Variants in TTC19 observed in about 807,000 individuals in gnomAD.
The protein encoded by TTC19 is tetratricopeptide repeat domain 19.
TTC19 carries 38 observed loss-of-function variants against 49.5 expected under a neutral mutation model. That is an observed-to-expected ratio of 0.77 (90% CI 0.59 to 1.01). The LOEUF (loss-of-function observed/expected upper bound fraction) is 1.01. TTC19 is among the 50% of genes least tolerant of loss of function. TTC19 has a pLI of 0.00. For synonymous variants in TTC19, 204 were observed against 185.2 expected (o/e 1.10, Z -0.83); for missense variants, 475 against 477.7 (o/e 0.99, Z 0.05).
chr17:16,027,989 G>C lies in TTC19; in HGVS notation c.*467G>C, dbSNP rs775424317. ...CAAAGGGGGATTATGGTGAATTGTT[G>C]TTCTTATAGTCTGTTTCATGAAGCA... On this transcript the variant is annotated 3_prime_UTR_variant, in exon 10 of 10. Coordinates refer to ENST00000261647, the MANE Select transcript of TTC19 (RefSeq NM_017775.4). 4 of 454,034 alleles carry C rather than the reference G, an allele frequency of 8.8e-6. No individual in the cohort carries two copies. The highest frequency in any genetic ancestry group is 2.0e-5 in the African/African-American group (1 of 49,976). The allele number at this position is 454,034 out of a possible 1,614,324, so 28.1% of individuals were successfully genotyped here. A position where few individuals can be genotyped will look rare whatever the true frequency, so the allele number is the denominator to read the frequency against.
chr17:16,017,499 C>T (rs921809187), intron 7 of TTC19, among the ~76,000 whole-genome samples: 1 of 150,400 alleles, frequency 6.6e-6, no homozygotes, highest in African/African-American at 2.5e-5. Context: ...GTGGCTCACG[C>T]CTGTAATCCC....
chr17:16,040,620 A>C, intron 2 of TTC19: 12 of 839,858 alleles, frequency 1.4e-5, no homozygotes, highest in Non-Finnish European at 1.9e-5. Context: ...TTTATTTCTC[A>C]CCCATTAAGT....
At chr17:16,034,600 C>G (rs1464987135) in intron 2 of TTC19, among the ~76,000 whole-genome samples, 1 of 151,700 alleles carries the variant, frequency 6.6e-6, no homozygotes, top group Non-Finnish European at 1.5e-5. Context: ...AGAACAAGAC[C>G]CCTCAAAAAA....
At chr17:16,018,518 G>GT (rs1971279479) in intron 7 of TTC19, among the ~76,000 whole-genome samples, 2 of 151,998 alleles carry the variant, frequency 1.3e-5, no homozygotes, top group African/African-American at 2.4e-5. Context: ...TTTGTTTTTT[G>GT]TTTTTTGAGA....
rs762273900 is a variant in TTC19, at chr17:16,028,886, C to T, written c.*1364C>T. On this transcript the variant is annotated 3_prime_UTR_variant, in exon 10 of 10. Transcript: ENST00000261647. ...TAAAAACACCAGAAACCTTGAGGTC[C>T]AAATCCTCAGGGATTAGACTAAAAC... 2.6e-6 allele frequency: 1 copy of T among 379,552 alleles called. No homozygotes were observed. The highest frequency in any genetic ancestry group is 2.3e-5 in the African/African-American group (1 of 43,176). 23.5% of individuals were successfully genotyped at this position (379,552 alleles called of 1,614,324 possible).
At chr17:16,012,551 C>T (rs527437681) in intron 7 of TTC19, among the ~76,000 whole-genome samples, 3 of 152,156 alleles carry the variant, frequency 2.0e-5, no homozygotes, top group African/African-American at 7.2e-5. Context: ...TGGAGCTCTT[C>T]CTACCTGGGA....
In TTC19 at chr17:16,027,526, C is replaced by G. The variant is rs556972363; in HGVS notation, c.*4C>G. On this transcript the variant is annotated 3_prime_UTR_variant, in exon 10 of 10. Transcript: ENST00000261647. ...GACAAATTCTGTCAAGCTCTAAATCCATTTTTGTGTAGGGAGAATAATGTC... is the reference window on the plus strand; with the variant it reads ...GACAAATTCTGTCAAGCTCTAAATCGATTTTTGTGTAGGGAGAATAATGTC... 2.1e-5 allele frequency: 34 copies of G among 1,613,708 alleles called. No individual in the cohort carries two copies. The South Asian group carries it at 3.7e-4, about 18-fold the overall frequency.
intron 2 of TTC19, among the ~76,000 whole-genome samples, chr17:16,042,060 C>T (rs1381722962): frequency 6.6e-6 from 1 of 152,102 alleles, no homozygotes; most frequent in African/African-American, 2.4e-5. Flanking sequence ...AATGAGACCA[C>T]AGAAGGATGG....
At chr17:16,039,539 T>A (rs949787616) in intron 2 of TTC19, 3 of 1,613,972 alleles carry the variant, frequency 1.9e-6, no homozygotes, top group Non-Finnish European at 2.5e-6. Flanking sequence ...ACATGACAAC[T>A]CCATGATCCT....
intron 2 of TTC19, among the ~76,000 whole-genome samples, chr17:16,037,158 GGAGGAGTCAGGACACACAC>G (rs1211320706): frequency 1.8e-4 from 28 of 152,168 alleles, no homozygotes; most frequent in Non-Finnish European, 3.2e-4. Flanking sequence ...ACCAGTCAGT[GGAGGAGTCAGGACACACAC>G]CACCTTTATG....
intron 2 of TTC19, chr17:16,000,540 A>G: frequency 1.5e-6 from 1 of 653,006 alleles, no homozygotes; most frequent in Non-Finnish European, 2.2e-6. Flanking sequence ...TGGTTTTATC[A>G]ATTAACCAGC....
downstream of TTC19, among the ~76,000 whole-genome samples, chr17:16,033,511 T>C (rs1972941385): frequency 6.6e-6 from 1 of 152,154 alleles, no homozygotes; most frequent in African/African-American, 2.4e-5. Context: ...ATGAGTTTTA[T>C]AATGCAAAAG....
At chr17:16,034,923 A>G in intron 2 of TTC19, 1 of 1,614,062 alleles carries the variant, frequency 6.2e-7, no homozygotes, top group Non-Finnish European at 8.5e-7. Flanking sequence ...CTTGCTGATC[A>G]GCTTTGGTTT....
chr17:16,016,683 G>A (rs537842895), intron 7 of TTC19, among the ~76,000 whole-genome samples: 2 of 149,984 alleles, frequency 1.3e-5, no homozygotes, highest in Admixed American at 6.7e-5. Context: ...TCAGCCTCCC[G>A]AGTAGCTGGG....
In TTC19 at chr17:16,026,586, G is replaced by T; in HGVS notation, c.878G>T (p.Gly293Val). 6.2e-7 allele frequency: 1 copy of T among 1,614,148 alleles called. No individual in the cohort carries two copies. The highest frequency in any genetic ancestry group is 8.5e-7 in the Non-Finnish European group (1 of 1,180,008). The change falls in exon 9 of 10, where the codon GGC becomes GTC. Residue 293 changes from glycine (G) to valine (V), a missense_variant. By Grantham distance (109) the Gly-to-Val change is moderately radical (BLOSUM62 -3). Transcript: ENST00000261647. ...SDLATTLDAQ[G>V]RFDEAYIYMQ... is the part of the protein sequence containing the mutation. ...CTGGCTACTACCCTGGATGCACAGG[G>T]CCGCTTTGATGAGGCCTATATTTAT...
chr17:16,034,964 T>TAA (rs1217518071), intron 2 of TTC19: 2 of 1,611,880 alleles, frequency 1.2e-6, no homozygotes, highest in East Asian at 4.5e-5. Context: ...AAATTCAAGT[T>TAA]AAAGTATTAA....
intron 1 of TTC19, 26 bp from the exon 2 acceptor site, chr17:16,000,092 G>T: frequency 1.4e-6 from 2 of 1,464,060 alleles, no homozygotes; most frequent in Non-Finnish European, 9.0e-7. Flanking sequence ...GGCCGGGCCC[G>T]ATGACCTCAG....
intron 2 of TTC19, among the ~76,000 whole-genome samples, chr17:16,041,552 T>C (rs1252704277): frequency 1.3e-5 from 2 of 151,408 alleles, no homozygotes; most frequent in Admixed American, 1.3e-4. Context: ...CAGCTGGGAT[T>C]ATAGGCCCCC....
At chr17:16,007,099 C>T (rs949578935) in intron 7 of TTC19, among the ~76,000 whole-genome samples, 1 of 152,104 alleles carries the variant, frequency 6.6e-6, no homozygotes, top group Non-Finnish European at 1.5e-5. Context: ...GACATTTATT[C>T]AATACCTACT....
Sources: gnomAD v4.1 joint callset for allele counts (sites outside exome capture counted in the v4.1 genomes callset) on GRCh38, gnomAD v4.1.1 for gene constraint, MANE v1.5 for transcripts, NCBI Gene and HGNC (gene_info 2026-07-23, HGNC 2026-07-21) for gene names.